The following SFMBT1 variants were observed in gnomAD, a reference collection of about 807,000 sequenced individuals.
SFMBT1 encodes the protein Scm like with four mbt domains 1.
In SFMBT1, 32 loss-of-function variants were observed where a neutral mutation model predicts 108.7. The ratio of observed to expected loss-of-function variants is 0.29; its 90% confidence interval spans 0.22 to 0.40. The LOEUF is 0.40. SFMBT1 is among the 10% of genes least tolerant of loss of function. SFMBT1 has a pLI of 1.00. For missense variants in SFMBT1, 816 were observed against 1,059.6 expected (o/e 0.77, Z 3.19); for synonymous variants, 348 against 369.5 (o/e 0.94, Z 0.67).
rs1343119617 is a variant in SFMBT1 at position 52,944,564 on chromosome 3, G to GA, written c.124-972_124-971insT. On this transcript the variant is annotated intron_variant, in intron 3 of 20. Coordinates refer to ENST00000394752, the MANE Select transcript of SFMBT1 (RefSeq NM_016329.4). ...GACAAAGTTTCGCTCTGTTCACCCA[G>GA]GCTGGAGTGCAATGGCGTGATCTCG... is the stretch of plus-strand genomic sequence containing the variant. 2.0e-5 allele frequency among the ~76,000 whole-genome samples: 3 copies of GA among 152,160 alleles called. No homozygotes were observed. In the East Asian group the frequency reaches 5.8e-4, roughly 29 times the overall value.
chr3:53,000,568 C>A (rs1698512288), intron 1 of SFMBT1, among the ~76,000 whole-genome samples: 1 of 149,314 alleles, frequency 6.7e-6, no homozygotes, highest in Non-Finnish European at 1.5e-5. Flanking sequence ...CATATATATG[C>A]CTATATATAC....
chr3:52,937,116 C>T (rs2106804681), intron 4 of SFMBT1, among the ~76,000 whole-genome samples: 1 of 152,198 alleles, frequency 6.6e-6, no homozygotes, highest in South Asian at 2.1e-4. Context: ...GCTGGGATTA[C>T]AGGGGTGAGC....
At chr3:53,006,443 T>A (rs11715894) in intron 1 of SFMBT1, among the ~76,000 whole-genome samples, 53,680 of 151,746 alleles carry the variant, frequency 0.35, 10,470 homozygotes, top group East Asian at 0.54. Flanking sequence ...AGCCTGACCA[T>A]CATGGTGAAA....
At chr3:52,921,214 T>C (rs904743593) in intron 11 of SFMBT1, among the ~76,000 whole-genome samples, 2 of 152,188 alleles carry the variant, frequency 1.3e-5, no homozygotes, top group Non-Finnish European at 2.9e-5. Flanking sequence ...GGCAGCAGGA[T>C]AAAAAAGCTG....
chr3:52,978,062 A>G (rs1247828056), intron 1 of SFMBT1, among the ~76,000 whole-genome samples: 1 of 152,182 alleles, frequency 6.6e-6, no homozygotes, highest in African/African-American at 2.4e-5. Flanking sequence ...CTCTGCCCTC[A>G]TGAAGCTTAT....
At chr3:53,033,314 C>T (rs1046388544) in intron 1 of SFMBT1, among the ~76,000 whole-genome samples, 7 of 152,122 alleles carry the variant, frequency 4.6e-5, no homozygotes, top group Non-Finnish European at 8.8e-5. Context: ...GCACACATCA[C>T]CACGCCCAGC....
chr3:52,940,757 C>T (rs1262294291), intron 4 of SFMBT1, among the ~76,000 whole-genome samples: 1 of 152,072 alleles, frequency 6.6e-6, no homozygotes, highest in African/African-American at 2.4e-5. Flanking sequence ...TATCTTCCAA[C>T]AAGACACTAA....
chr3:52,928,641 T>TATACATATATACATATATAC (rs1392023601), intron 8 of SFMBT1: 3 of 52,992 alleles, frequency 5.7e-5, no homozygotes, highest in African/African-American at 1.4e-4. Flanking sequence ...TATATACATA[T>TATACATATATACATATATAC]ATATATATAT....
At chr3:52,921,553 A>G in intron 11 of SFMBT1, 152 bp downstream of exon 11, 1 of 845,380 alleles carries the variant, frequency 1.2e-6, no homozygotes, top group East Asian at 2.8e-5. Flanking sequence ...ACAGGAAAAT[A>G]AATATTTCGC....
At chr3:52,950,593 G>A (rs1703540906) in intron 3 of SFMBT1, among the ~76,000 whole-genome samples, 1 of 152,034 alleles carries the variant, frequency 6.6e-6, no homozygotes, top group African/African-American at 2.4e-5. Context: ...TCCCGTCTCA[G>A]CCTCCCAAGC....
At chr3:52,999,011 C>G (rs1043664509) in intron 1 of SFMBT1, among the ~76,000 whole-genome samples, 2 of 150,838 alleles carry the variant, frequency 1.3e-5, no homozygotes, top group African/African-American at 4.8e-5. Flanking sequence ...GAGCCGCCCT[C>G]GGCCCCTCCA....
intron 1 of SFMBT1, among the ~76,000 whole-genome samples, chr3:53,038,145 A>T (rs900009267): frequency 2.6e-5 from 4 of 152,152 alleles, no homozygotes; most frequent in African/African-American, 7.2e-5. Context: ...GTGCTGGGGC[A>T]TGCACCTGTA....
intron 1 of SFMBT1, among the ~76,000 whole-genome samples, chr3:53,041,507 G>A (rs1700051518): frequency 6.6e-6 from 1 of 152,042 alleles, no homozygotes; most frequent in African/African-American, 2.4e-5. Flanking sequence ...AGACTAGCCT[G>A]ACCAACATGG....
intron 1 of SFMBT1, among the ~76,000 whole-genome samples, chr3:53,030,483 T>C (rs1699644889): frequency 6.6e-6 from 1 of 152,104 alleles, no homozygotes; most frequent in African/African-American, 2.4e-5. Context: ...AAGTCTGTGA[T>C]GATGATTTTA....
chr3:53,040,622 C>A (rs1160066831), intron 1 of SFMBT1, among the ~76,000 whole-genome samples: 1 of 146,202 alleles, frequency 6.8e-6, no homozygotes, highest in African/African-American at 2.6e-5. Context: ...ACCAGTATGC[C>A]AGTTAAAAAA....
intron 1 of SFMBT1, among the ~76,000 whole-genome samples, chr3:53,000,866 C>A (rs1024460944): frequency 1.3e-4 from 19 of 149,224 alleles, no homozygotes; most frequent in Admixed American, 1.4e-4. Flanking sequence ...GTTTAATACT[C>A]AAATATCTAC....
At chr3:53,004,719 C>T (rs1559546068) in intron 1 of SFMBT1, among the ~76,000 whole-genome samples, 3 of 150,204 alleles carry the variant, frequency 2.0e-5, no homozygotes, top group Non-Finnish European at 4.5e-5. Context: ...ATGCAGGGTT[C>T]TCCATCTTAA....
At chr3:52,943,657 G>T in intron 3 of SFMBT1, 64 bp from the exon 4 acceptor site, 1 of 1,604,402 alleles carries the variant, frequency 6.2e-7, no homozygotes, top group Non-Finnish European at 8.5e-7. Context: ...TTTGACCAAT[G>T]TTCTTTTTTA....
At chr3:52,952,658 C>T (rs1703633160) in intron 3 of SFMBT1, among the ~76,000 whole-genome samples, 2 of 152,306 alleles carry the variant, frequency 1.3e-5, no homozygotes, top group South Asian at 4.1e-4. Flanking sequence ...TGCCTTCTTG[C>T]TGTCTTCACA....
Sources: gnomAD v4.1 joint callset for allele counts (sites outside exome capture counted in the v4.1 genomes callset) on GRCh38, gnomAD v4.1.1 for gene constraint, MANE v1.5 for transcripts, NCBI Gene and HGNC (gene_info 2026-07-23, HGNC 2026-07-21) for gene names.